Variants in BCAT1 observed in about 807,000 individuals in gnomAD.
BCAT1 encodes branched chain amino acid transaminase 1.
Under a neutral mutation model 52.4 loss-of-function variants are expected in BCAT1, and 48 were observed. The observed-to-expected ratio is 0.92, with a 90% confidence interval of 0.73 to 1.16. The LOEUF (loss-of-function observed/expected upper bound fraction) is 1.16, where lower values mean the gene tolerates loss of function less well. BCAT1 is among the 50% of genes most tolerant of loss of function. The probability of loss-of-function intolerance (pLI) is 0.00; values close to 1 mark genes in which losing one functional copy is unlikely to be tolerated. For synonymous variants in BCAT1, 167 were observed against 161.3 expected, an observed-to-expected ratio of 1.04 and a Z score of -0.27; for missense variants, 451 against 457.1, an observed-to-expected ratio of 0.99 and a Z score of 0.12.
rs1378984661 is a variant in BCAT1, at chr12:24,811,126, T to G, written c.*6882A>C. The G allele has an allele frequency of 6.6e-6, 1 of 152,172 alleles. No homozygotes were observed. The highest frequency in any genetic ancestry group is 2.4e-5 in the African/African-American group (1 of 41,450). 9.4% of individuals were successfully genotyped at this position (152,172 alleles called of 1,614,324 possible). A position where few individuals can be genotyped will look rare whatever the true frequency, so the allele number is the denominator to read the frequency against. On this transcript the variant is annotated 3_prime_UTR_variant, in exon 11 of 11. Transcript: ENST00000261192. The stretch of plus-strand genomic sequence containing the variant: ...CCATAACCAGGGGAAGGAAGAATTT[T>G]TAAATGCCCATTTTTTTCTTGTCCA...
intron 5 of BCAT1, among the ~76,000 whole-genome samples, chr12:24,859,447 C>T (rs1275724795): frequency 2.6e-5 from 4 of 151,768 alleles, no homozygotes; most frequent in East Asian, 3.9e-4. Context: ...GGTGAAACCC[C>T]GTCTCTACTA....
rs1200632088 is a variant in BCAT1, at chr12:24,814,804, T to G, written c.*3204A>C. ...ACTGCCTGCCTCTGCCTCTGTTTGT[T>G]TTTTTTTTTTTTTTTTGTCTTACAT... On this transcript the variant is annotated 3_prime_UTR_variant, in exon 11 of 11. Coordinates refer to ENST00000261192, the MANE Select transcript of BCAT1 (RefSeq NM_005504.7). 4 of 109,516 alleles carry G rather than the reference T, an allele frequency of 3.7e-5. No homozygotes were observed. Among genetic ancestry groups the G allele is most frequent in the East Asian group, 2.0e-4 (1 of 5,102 alleles). 6.8% of individuals were successfully genotyped at this position (109,516 alleles called of 1,614,324 possible).
intron 5 of BCAT1, among the ~76,000 whole-genome samples, chr12:24,868,239 T>A (rs1942081087): frequency 6.6e-6 from 1 of 152,140 alleles, no homozygotes; most frequent in Admixed American, 6.5e-5. Context: ...TCTCAGTGTA[T>A]AAAATAATGT....
chr12:24,849,685 A>G (rs1373764333), intron 6 of BCAT1, 101 bp downstream of exon 6: 65 of 1,251,438 alleles, frequency 5.2e-5, no homozygotes, highest in Non-Finnish European at 6.7e-5. Flanking sequence ...TGAGCATTAA[A>G]GTTTGAAAAG....
intron 5 of BCAT1, among the ~76,000 whole-genome samples, chr12:24,874,006 T>C (rs999887456): frequency 6.6e-6 from 1 of 152,180 alleles, no homozygotes; most frequent in Non-Finnish European, 1.5e-5. Context: ...CAAGTATGTA[T>C]CTATGAAGAT....
At position 24,818,031 on chromosome 12, in the gene BCAT1, C is replaced by T. The variant is rs751073733; in HGVS notation, c.1138G>A (p.Asp380Asn). Residue 380 changes from aspartate (D) to asparagine (N), a missense_variant, in exon 11 of 11, where the codon GAC (aspartate) becomes AAC (asparagine). By Grantham distance (23) the Asp-to-Asn change is conservative. Transcript: ENST00000261192. ...TDIQYGREES[D>N]WTIVLS Reference sequence around the variant, plus strand: ...ATTCAGGATAGCACAATTGTCCAGTCGCTCTCTTCTCTTCCATACTGCAAC... The same window carrying T: ...ATTCAGGATAGCACAATTGTCCAGTTGCTCTCTTCTCTTCCATACTGCAAC... 7.4e-6 allele frequency: 12 copies of T among 1,612,940 alleles called. No individual in the cohort carries two copies. The highest frequency in any genetic ancestry group is 3.3e-5 in the Admixed American group (2 of 59,872).
chr12:24,914,685 TA>T, intron 1 of BCAT1, among the ~76,000 whole-genome samples: 1 of 152,372 alleles, frequency 6.6e-6, no homozygotes, highest in South Asian at 2.1e-4. Context: ...GGTGTTCAAG[TA>T]AACCTTCTGA....
intron 10 of BCAT1, among the ~76,000 whole-genome samples, chr12:24,821,267 A>G (rs955699381): frequency 3.9e-5 from 6 of 152,326 alleles, no homozygotes; most frequent in Admixed American, 3.3e-4. Context: ...TTTTAATTCT[A>G]TCTGGTGACC....
chr12:24,858,034 T>A (rs1941742895), intron 5 of BCAT1, among the ~76,000 whole-genome samples: 1 of 152,186 alleles, frequency 6.6e-6, no homozygotes, highest in African/African-American at 2.4e-5. Context: ...CAGAATCCAA[T>A]ATAAAAATGA....
intron 2 of BCAT1, among the ~76,000 whole-genome samples, chr12:24,896,604 T>C (rs1942965822): frequency 6.6e-6 from 1 of 152,060 alleles, no homozygotes; most frequent in Non-Finnish European, 1.5e-5. Context: ...CTGTCTCTAC[T>C]AAAAATACAA....
At chr12:24,882,231 C>T (rs1327407004) in intron 3 of BCAT1, among the ~76,000 whole-genome samples, 2 of 152,190 alleles carry the variant, frequency 1.3e-5, no homozygotes, top group East Asian at 3.9e-4. Flanking sequence ...GAAATCAATA[C>T]CAAAAGTTTG....
chr12:24,827,943 G>A (rs1460676743), intron 10 of BCAT1, among the ~76,000 whole-genome samples: 2 of 151,654 alleles, frequency 1.3e-5, no homozygotes, highest in Admixed American at 6.6e-5. Flanking sequence ...TTAGAGGAAG[G>A]TTCTCACTAT....
intron 1 of BCAT1, among the ~76,000 whole-genome samples, chr12:24,943,901 G>C (rs1404391876): frequency 2.0e-5 from 3 of 151,930 alleles, no homozygotes; most frequent in Admixed American, 2.0e-4. Context: ...GGAGAATGGC[G>C]TGAACCCAGG....
At chr12:24,948,887 C>T in intron 1 of BCAT1, 40 bp downstream of exon 1, 4 of 1,584,150 alleles carry the variant, frequency 2.5e-6, no homozygotes, top group Non-Finnish European at 3.4e-6. Context: ...GATTCACGCA[C>T]ACATTTTTGT....
At chr12:24,820,529 T>C (rs1210066613) in intron 10 of BCAT1, among the ~76,000 whole-genome samples, 1 of 152,236 alleles carries the variant, frequency 6.6e-6, no homozygotes, top group Admixed American at 6.5e-5. Context: ...CTTGTCATTA[T>C]ACTCTTGTCA....
At chr12:24,842,542 C>T (rs1941207127) in intron 6 of BCAT1, among the ~76,000 whole-genome samples, 1 of 152,062 alleles carries the variant, frequency 6.6e-6, no homozygotes, top group Admixed American at 6.5e-5. Flanking sequence ...TTTCCACACA[C>T]CAAGCAATTT....
intron 5 of BCAT1, among the ~76,000 whole-genome samples, chr12:24,850,297 G>A (rs1305999818): frequency 6.6e-6 from 1 of 152,108 alleles, no homozygotes; most frequent in Non-Finnish European, 1.5e-5. Flanking sequence ...TTGAGAAAGG[G>A]GAGAACCTAG....
chr12:24,843,282 T>C (rs868566720), intron 6 of BCAT1, among the ~76,000 whole-genome samples: 2 of 152,168 alleles, frequency 1.3e-5, no homozygotes, highest in Non-Finnish European at 2.9e-5. Context: ...CTGGGTAAAA[T>C]TACAATTTGT....
At chr12:24,859,618 CAAAAAAAA>C (rs71063366) in intron 5 of BCAT1, among the ~76,000 whole-genome samples, 7 of 93,990 alleles carry the variant, frequency 7.4e-5, no homozygotes, top group African/African-American at 2.4e-4. Context: ...AGACTCGTCT[CAAAAAAAA>C]AAAAAAAAAA....
Sources: allele counts gnomAD v4.1 joint callset (sites outside exome capture counted in the v4.1 genomes callset), GRCh38; gene constraint gnomAD v4.1.1; transcripts MANE v1.5; gene names NCBI Gene and HGNC (gene_info 2026-07-23, HGNC 2026-07-21).